The following THRAP3 variants were observed in gnomAD, a reference collection of about 807,000 sequenced individuals.
THRAP3 encodes the protein thyroid hormone receptor-associated protein 3.
Under a neutral mutation model 101.0 loss-of-function variants are expected in THRAP3, and 16 were observed. The ratio of observed to expected loss-of-function variants is 0.16; its 90% CI spans 0.11 to 0.24. The LOEUF (loss-of-function observed/expected upper bound fraction) is 0.24, where lower values mean the gene tolerates loss of function less well. THRAP3 is among the 10% of genes least tolerant of loss of function. The pLI is 1.00. For synonymous variants in THRAP3, 407 were observed against 422.6 expected (o/e 0.96, Z 0.45); for missense variants, 989 against 1,202.7 (o/e 0.82, Z 2.63).
At position 36,264,161 on chromosome 1, in the gene THRAP3, G is replaced by A. The variant is rs61021153; in HGVS notation, c.-32+4677G>A. On this transcript the variant is annotated intron_variant, in intron 2 of 11. Transcript: ENST00000354618. ...TGCAAGCTCTGCCTCCCAGGTTCAC[G>A]CCATTCTCCTTCTTGTAGGCAGGTT... Among the ~76,000 whole-genome samples, 1,487 of 152,268 alleles carry A rather than the reference G, an allele frequency of 9.8e-3. 27 individuals carry two copies. The highest frequency in any genetic ancestry group is 0.034 in the African/African-American group (1,399 of 41,560).
chr1:36,224,918 G>A (rs1362802983), intron 1 of THRAP3: 1 of 152,280 alleles, frequency 6.6e-6, no homozygotes, highest in Non-Finnish European at 1.5e-5. Context: ...CTTCTCCTAG[G>A]GCGCATGTGG....
In THRAP3 at chr1:36,304,034, G is replaced by A; in HGVS notation, c.*17G>A. On this transcript the variant is annotated 3_prime_UTR_variant, in exon 12 of 12. Coordinates refer to ENST00000354618, the MANE Select transcript of THRAP3 (RefSeq NM_005119.4). Reference sequence around the variant, plus strand: ...ACCGAGTAGGGGCCACCCTTGACGGGATTCCTGCCCAGGGGAGAGAGGCGC... The same window carrying A: ...ACCGAGTAGGGGCCACCCTTGACGGAATTCCTGCCCAGGGGAGAGAGGCGC... 6.7e-7 allele frequency: 1 copy of A among 1,493,860 alleles called. No homozygotes were observed. The highest frequency in any genetic ancestry group is 2.4e-5 in the East Asian group (1 of 41,848). The allele number at this position is 1,493,860 out of a possible 1,614,324, so 92.5% of individuals were successfully genotyped here. A position where few individuals can be genotyped will look rare whatever the true frequency, so the allele number is the denominator to read the frequency against.
upstream of THRAP3, among the ~76,000 whole-genome samples, chr1:36,222,099 A>T (rs1406659594): frequency 6.6e-6 from 1 of 152,120 alleles, no homozygotes; most frequent in Non-Finnish European, 1.5e-5. Context: ...GGCGTGAGCC[A>T]CTGCGCCTGG....
At chr1:36,268,844 G>A (rs1645550074) in intron 2 of THRAP3, among the ~76,000 whole-genome samples, 4 of 151,828 alleles carry the variant, frequency 2.6e-5, no homozygotes, top group Admixed American at 2.6e-4. Context: ...TCCTGCCTCA[G>A]CCTCCCGAGT....
At chr1:36,269,595 C>T (rs144974093) in intron 2 of THRAP3, among the ~76,000 whole-genome samples, 2 of 152,276 alleles carry the variant, frequency 1.3e-5, no homozygotes, top group African/African-American at 2.4e-5. Context: ...GCAGAGCACA[C>T]ACGTGGAAAA....
At chr1:36,211,524 C>A in the THRAP3 span, among the ~76,000 whole-genome samples, 1 of 152,082 alleles carries the variant, frequency 6.6e-6, no homozygotes, top group Non-Finnish European at 1.5e-5. Context: ...GGCAACAGAG[C>A]CAGACCCTGT....
At chr1:36,293,220 G>C (rs970798911) in intron 7 of THRAP3, among the ~76,000 whole-genome samples, 1 of 151,782 alleles carries the variant, frequency 6.6e-6, no homozygotes, top group Non-Finnish European at 1.5e-5. Context: ...GTAGAGACAG[G>C]GTTTCACCAT....
chr1:36,243,517 A>G (rs185369218), intron 1 of THRAP3, among the ~76,000 whole-genome samples: 13 of 152,274 alleles, frequency 8.5e-5, no homozygotes, highest in Admixed American at 2.0e-4. Context: ...GTTGGGGGCA[A>G]GGTCACAGAT....
Position 36,259,385 on chromosome 1 carries a change from T to C in THRAP3, c.-131T>C. 5.0e-6 allele frequency: 2 copies of C among 398,584 alleles called. No homozygotes were observed. Among genetic ancestry groups the C allele is most frequent in the East Asian group, 3.6e-5 (1 of 28,080 alleles). 24.7% of individuals were successfully genotyped at this position (398,584 alleles called of 1,614,324 possible). A position where few individuals can be genotyped will look rare whatever the true frequency, so the allele number is the denominator to read the frequency against. On this transcript the variant is annotated 5_prime_UTR_variant, in exon 2 of 12. Coordinates refer to ENST00000354618, the MANE Select transcript of THRAP3 (RefSeq NM_005119.4). ...TACTTATTTTCTCTCATTTCAGAAG[T>C]GTATGCTGACTTGTAAAGTGAAGAA...
intron 2 of THRAP3, among the ~76,000 whole-genome samples, chr1:36,271,281 G>A (rs1250163492): frequency 2.6e-5 from 4 of 152,220 alleles, no homozygotes; most frequent in Non-Finnish European, 4.4e-5. Flanking sequence ...TCATAACACA[G>A]GCAAATTTTT....
At chr1:36,264,169 CCTT>C (rs538527002) in intron 2 of THRAP3, among the ~76,000 whole-genome samples, 94 of 152,304 alleles carry the variant, frequency 6.2e-4, no homozygotes, top group African/African-American at 2.2e-3. Flanking sequence ...ACGCCATTCT[CCTT>C]CTTGTAGGCA....
rs1227252111 is a variant in THRAP3, at chr1:36,304,890, T to C, written c.*873T>C. ...ATGAATTCTATTATCTTTACAAATA[T>C]GAGAAAATTTTTTCAATATTTTTTA... is the stretch of plus-strand genomic sequence containing the variant. On this transcript the variant is annotated 3_prime_UTR_variant, in exon 12 of 12. Transcript: ENST00000354618. 5 of 206,286 alleles carry C rather than the reference T, an allele frequency of 2.4e-5. No homozygotes were observed. Among genetic ancestry groups the C allele is most frequent in the East Asian group, 1.5e-4 (2 of 13,726 alleles). The allele number at this position is 206,286 out of a possible 1,614,324, so 12.8% of individuals were successfully genotyped here.
chr1:36,282,715 C>CT lies in THRAP3; in HGVS notation c.137+18dup. ...CGCAGGCTGAGGTAAGGGGGTGTGA[C>CT]TTTGTATATTGAGATAATCATTGCA... On this transcript the variant is annotated intron_variant, in intron 3 of 11. Coordinates refer to ENST00000354618, the MANE Select transcript of THRAP3 (RefSeq NM_005119.4). 3 of 1,613,706 alleles carry CT rather than the reference C, an allele frequency of 1.9e-6. No homozygotes were observed. The highest frequency in any genetic ancestry group is 2.7e-5 in the African/African-American group (2 of 74,976).
chr1:36,250,933 G>C (rs1255985682), intron 1 of THRAP3, among the ~76,000 whole-genome samples: 3 of 151,834 alleles, frequency 2.0e-5, no homozygotes, highest in Non-Finnish European at 4.4e-5. Flanking sequence ...TTTTAGTAGA[G>C]ATGGGGTTTT....
At chr1:36,232,003 G>A (rs1645033494) in intron 1 of THRAP3, among the ~76,000 whole-genome samples, 1 of 152,042 alleles carries the variant, frequency 6.6e-6, no homozygotes, top group African/African-American at 2.4e-5. Context: ...GATCACTTGA[G>A]GTCAGGAGTT....
At chr1:36,241,671 T>G (rs1645163507) in intron 1 of THRAP3, among the ~76,000 whole-genome samples, 1 of 150,576 alleles carries the variant, frequency 6.6e-6, no homozygotes, top group South Asian at 2.1e-4. Context: ...CTCCACCTCC[T>G]GGGTTCAAGC....
Position 36,286,278 on chromosome 1 carries a change from A to G in THRAP3, c.138-90A>G. 7.4e-7 allele frequency: 1 copy of G among 1,344,948 alleles called. No homozygotes were observed. The highest frequency in any genetic ancestry group is 1.0e-6 in the Non-Finnish European group (1 of 980,886). 83.3% of individuals were successfully genotyped at this position (1,344,948 alleles called of 1,614,324 possible). On this transcript the variant is annotated intron_variant, in intron 3 of 11. Coordinates refer to ENST00000354618, the MANE Select transcript of THRAP3 (RefSeq NM_005119.4). The surrounding 1 kb of genome is among the most constrained non-coding windows in gnomAD (Gnocchi z 5.5). ...AAACAAAACTGAAAGTGAATGACAC[A>G]TAAGGGCAGGGATTTCAGAACAGAT...
At chr1:36,212,118 C>T in the THRAP3 span, among the ~76,000 whole-genome samples, 3 of 152,318 alleles carry the variant, frequency 2.0e-5, no homozygotes, top group Admixed American at 1.3e-4. Context: ...ATGCTCTGCT[C>T]TCCAGCTGTG....
chr1:36,213,968 AGAAAGAAAGAAAGAAAGAAAGAAAGAAAG>A, the THRAP3 span, among the ~76,000 whole-genome samples: 1 of 81,428 alleles, frequency 1.2e-5, no homozygotes, highest in South Asian at 3.9e-4. Context: ...AGAAGGAAAG[AGAAAGAAAGAAAGAAAGAAAGAAAGAAAG>A]GAAAGAAAGA....
Sources: gnomAD v4.1 joint callset for allele counts (sites outside exome capture counted in the v4.1 genomes callset) on GRCh38, gnomAD v4.1.1 for gene constraint, Gnocchi (gnomAD v3.1) non-coding constraint, MANE v1.5 for transcripts, NCBI Gene and HGNC (gene_info 2026-07-23, HGNC 2026-07-21) for gene names.